The following FOXP1 variants were observed in gnomAD, a reference collection of about 807,000 sequenced individuals.
The protein encoded by FOXP1 is forkhead box protein P1.
FOXP1 carries 15 observed loss-of-function variants against 98.2 expected under a neutral mutation model. The ratio of observed to expected loss-of-function variants is 0.15; its 90% CI spans 0.10 to 0.24. The LOEUF (loss-of-function observed/expected upper bound fraction) is 0.24. Among genes scored for constraint, FOXP1 ranks in the 10% least tolerant of loss-of-function variants. FOXP1 has a pLI of 1.00. For synonymous variants in FOXP1, 371 were observed against 314.5 expected, an observed-to-expected ratio of 1.18 and a Z score of -1.90; for missense variants, 633 against 848.5, an observed-to-expected ratio of 0.75 and a Z score of 3.15.
chr3:71,319,405 TACTA>T (rs1055700601), intron 4 of FOXP1, among the ~76,000 whole-genome samples: 5 of 152,204 alleles, frequency 3.3e-5, no homozygotes, highest in Admixed American at 6.5e-5. Flanking sequence ...TCTAAGTTGC[TACTA>T]ACTACTATGC....
At chr3:71,171,567 A>G (rs1473118449) in intron 6 of FOXP1, among the ~76,000 whole-genome samples, 1 of 152,214 alleles carries the variant, frequency 6.6e-6, no homozygotes, top group Non-Finnish European at 1.5e-5. Flanking sequence ...TCTATTATCC[A>G]GAGTGTGCAT....
intron 4 of FOXP1, among the ~76,000 whole-genome samples, chr3:71,320,003 G>A (rs2107663045): frequency 6.6e-6 from 1 of 152,220 alleles, no homozygotes; most frequent in African/African-American, 2.4e-5. Context: ...ACACAAGGGT[G>A]CCTCCCACGA....
chr3:71,399,394 AG>A (rs1686784138), intron 3 of FOXP1, among the ~76,000 whole-genome samples: 1 of 152,260 alleles, frequency 6.6e-6, no homozygotes, highest in African/African-American at 2.4e-5. Flanking sequence ...ACTTAAGGAA[AG>A]TATAAAATAC....
chr3:71,535,382 C>A (rs1287097158), intron 2 of FOXP1, among the ~76,000 whole-genome samples: 7 of 152,042 alleles, frequency 4.6e-5, no homozygotes, highest in Non-Finnish European at 7.4e-5. Context: ...CTGCTGAGAG[C>A]CAGTGGCAAA....
At chr3:71,111,629 C>A (rs74624371) in intron 7 of FOXP1, among the ~76,000 whole-genome samples, 7,026 of 152,146 alleles carry the variant, frequency 0.046, 495 homozygotes, top group African/African-American at 0.15. Context: ...GAACTCCTGA[C>A]CTCAAGTGAT....
intron 3 of FOXP1, among the ~76,000 whole-genome samples, chr3:71,378,097 CAAAA>C (rs11333445): frequency 2.6e-5 from 3 of 115,658 alleles, no homozygotes; most frequent in Admixed American, 8.6e-5. Flanking sequence ...GGCCAAGAAA[CAAAA>C]AAAAAAAAAA....
intron 4 of FOXP1, chr3:71,306,065 C>T (rs1359226731): frequency 6.6e-6 from 1 of 152,288 alleles, no homozygotes; most frequent in East Asian, 1.9e-4. Flanking sequence ...AAAGCCACTG[C>T]CTTACTCTAG....
intron 6 of FOXP1, among the ~76,000 whole-genome samples, chr3:71,174,466 C>T (rs1241157390): frequency 6.6e-6 from 1 of 152,052 alleles, no homozygotes; most frequent in African/African-American, 2.4e-5. Flanking sequence ...CACAGACATA[C>T]ATGTACATAG....
chr3:71,487,178 A>G (rs900105728), intron 3 of FOXP1, among the ~76,000 whole-genome samples: 1 of 152,136 alleles, frequency 6.6e-6, no homozygotes, highest in African/African-American at 2.4e-5. Context: ...ACACTACAAA[A>G]CTATAATATT....
chr3:71,397,073 T>C (rs371538689), intron 3 of FOXP1, among the ~76,000 whole-genome samples: 432 of 42,588 alleles, frequency 0.01, 85 homozygotes, highest in Non-Finnish European at 0.016. Context: ...TATATATATA[T>C]ACATATATAT....
chr3:71,366,139 CT>C (rs886779654), intron 3 of FOXP1, among the ~76,000 whole-genome samples: 4 of 151,254 alleles, frequency 2.6e-5, no homozygotes, highest in East Asian at 1.9e-4. Context: ...ACTTGGTCCA[CT>C]TTTTTTTTCG....
intron 5 of FOXP1, among the ~76,000 whole-genome samples, chr3:71,271,661 T>C (rs138316972): frequency 1.1e-4 from 16 of 152,300 alleles, no homozygotes; most frequent in Non-Finnish European, 1.9e-4. Context: ...TATGATTATC[T>C]CTGGGGCTAT....
intron 3 of FOXP1, among the ~76,000 whole-genome samples, chr3:71,469,983 C>T (rs552051682): frequency 2.7e-4 from 41 of 152,004 alleles, no homozygotes; most frequent in African/African-American, 9.2e-4. Flanking sequence ...AACTCACAGC[C>T]CTGGTGATCT....
chr3:71,413,198 CA>C (rs2082905626), intron 3 of FOXP1, among the ~76,000 whole-genome samples: 1 of 74,036 alleles, frequency 1.4e-5, no homozygotes, highest in Non-Finnish European at 2.7e-5. Flanking sequence ...ACACACACAC[CA>C]CCCCCCCAAA....
intron 5 of FOXP1, among the ~76,000 whole-genome samples, chr3:71,238,026 T>G (rs1560166597): frequency 6.6e-6 from 1 of 152,126 alleles, no homozygotes; most frequent in Admixed American, 6.5e-5. Flanking sequence ...TTAGTCCGAC[T>G]CTCCAAAATA....
intron 12 of FOXP1, among the ~76,000 whole-genome samples, chr3:71,012,888 T>C (rs749359395): frequency 7.2e-5 from 11 of 152,204 alleles, no homozygotes; most frequent in Non-Finnish European, 4.4e-5. Context: ...TAGTTATACA[T>C]GTGCCTATGT....
intron 6 of FOXP1, among the ~76,000 whole-genome samples, chr3:71,155,654 C>T (rs545389480): frequency 3.9e-5 from 6 of 152,290 alleles, no homozygotes; most frequent in African/African-American, 1.4e-4. Flanking sequence ...TAAGTTTTCA[C>T]CTGGCAGACC....
At chr3:71,469,666 G>A (rs974526269) in intron 3 of FOXP1, among the ~76,000 whole-genome samples, 9 of 152,166 alleles carry the variant, frequency 5.9e-5, no homozygotes, top group Non-Finnish European at 1.0e-4. Flanking sequence ...ATATTAGAGT[G>A]TCCATTTCCT....
In FOXP1 at chr3:71,272,658, C is replaced by A. The variant is rs115197375; in HGVS notation, c.-12+27162G>T. Among the ~76,000 whole-genome samples, 1,127 of 151,938 alleles carry A rather than the reference C, an allele frequency of 7.4e-3. 22 individuals are homozygous for A. Among genetic ancestry groups the A allele is most frequent in the African/African-American group, 0.026 (1,087 of 41,406 alleles). On this transcript the variant is annotated intron_variant, in intron 5 of 20. Transcript: ENST00000649528. ...TCAGTCCTTTATTCTCATTGACTAG[C>A]AACCCTTTAATGTCACTGGGCTGCA...
Sources: gnomAD v4.1 joint callset for allele counts (sites outside exome capture counted in the v4.1 genomes callset) on GRCh38, gnomAD v4.1.1 for gene constraint, MANE v1.5 for transcripts, NCBI Gene and HGNC (gene_info 2026-07-23, HGNC 2026-07-21) for gene names.